FBN1: variants seen among roughly 807,000 people sequenced by gnomAD.
FBN1 encodes the protein fibrillin 1.
In FBN1, 29 loss-of-function variants were observed where a neutral mutation model predicts 365.1. The ratio of observed to expected loss-of-function variants is 0.08; its 90% CI spans 0.06 to 0.11. The LOEUF (loss-of-function observed/expected upper bound fraction) is 0.11. Ranked by LOEUF, FBN1 falls within the 10% of genes least tolerant of loss-of-function variation. FBN1 has a pLI of 1.00. For missense variants in FBN1, 2,476 were observed against 3,703.2 expected, an observed-to-expected ratio of 0.67 and a Z score of 8.60; for synonymous variants, 1,210 against 1,270.5, an observed-to-expected ratio of 0.95 and a Z score of 1.01.
intron 5 of FBN1, among the ~76,000 whole-genome samples, chr15:48,597,603 T>TC (rs2044525833): frequency 6.6e-6 from 1 of 152,206 alleles, no homozygotes; most frequent in Non-Finnish European, 1.5e-5. Flanking sequence ...ACGGGTCTTT[T>TC]CCCCAATAAA....
chr15:48,504,152 T>C (rs547444709), intron 16 of FBN1, among the ~76,000 whole-genome samples: 5 of 152,348 alleles, frequency 3.3e-5, no homozygotes, highest in Non-Finnish European at 7.3e-5. Context: ...AATGGCCAGA[T>C]TGCTTCAGTT....
At chr15:48,435,810 G>GTGTATA (rs1555395093) in intron 53 of FBN1, among the ~76,000 whole-genome samples, 1 of 134,226 alleles carries the variant, frequency 7.5e-6, no homozygotes, top group African/African-American at 3.0e-5. Flanking sequence ...GTGTGTGTGT[G>GTGTATA]TATATATGCC....
intron 30 of FBN1, among the ~76,000 whole-genome samples, chr15:48,484,330 C>T (rs188142673): frequency 2.5e-3 from 375 of 152,124 alleles, no homozygotes; most frequent in Non-Finnish European, 4.3e-3. Context: ...CTTGAAATAA[C>T]CATACCTACT....
intron 31 of FBN1, among the ~76,000 whole-genome samples, chr15:48,482,167 T>C (rs1355695145): frequency 6.6e-6 from 1 of 152,244 alleles, no homozygotes; most frequent in Non-Finnish European, 1.5e-5. Flanking sequence ...AAAGGATAGA[T>C]GAACTGGTTG....
intron 2 of FBN1, among the ~76,000 whole-genome samples, chr15:48,636,134 T>A (rs575657236): frequency 6.6e-6 from 1 of 152,324 alleles, no homozygotes; most frequent in Admixed American, 6.5e-5. Context: ...TCAATCTGGA[T>A]GAGGCCTATG....
intron 34 of FBN1, among the ~76,000 whole-genome samples, 192 bp downstream of exon 34, chr15:48,474,063 A>T (rs2043398958): frequency 6.6e-6 from 1 of 152,100 alleles, no homozygotes; most frequent in African/African-American, 2.4e-5. Flanking sequence ...GTATCTACCT[A>T]TCGAGAAGCT....
chr15:48,587,491 G>A (rs544232613), intron 6 of FBN1, among the ~76,000 whole-genome samples: 5 of 152,288 alleles, frequency 3.3e-5, no homozygotes, highest in East Asian at 1.9e-4. Context: ...GTGAGTTGAC[G>A]TTGTGCCTTT....
At chr15:48,625,477 A>G (rs908670868) in intron 2 of FBN1, among the ~76,000 whole-genome samples, 1 of 152,162 alleles carries the variant, frequency 6.6e-6, no homozygotes, top group African/African-American at 2.4e-5. Flanking sequence ...GGGCAGCCAG[A>G]GTCAGAGCCG....
At chr15:48,605,196 C>CA (rs568522134) in intron 4 of FBN1, among the ~76,000 whole-genome samples, 6 of 151,534 alleles carry the variant, frequency 4.0e-5, no homozygotes, top group East Asian at 2.0e-4. Context: ...ATAGCTAAAA[C>CA]AAAAAAAGGA....
At chr15:48,425,658 T>C (rs1256295185) in intron 59 of FBN1, 81 bp downstream of exon 59, 5 of 1,572,852 alleles carry the variant, frequency 3.2e-6, no homozygotes, top group East Asian at 2.2e-5. Flanking sequence ...ACAGACTTTT[T>C]AGATTTTTAG....
chr15:48,633,326 T>C (rs1312093295), intron 2 of FBN1, among the ~76,000 whole-genome samples: 3 of 152,216 alleles, frequency 2.0e-5, no homozygotes, highest in African/African-American at 7.2e-5. Flanking sequence ...AAACTCTTAA[T>C]GTATAGTTTG....
chr15:48,472,076 G>A (rs1034101282), intron 35 of FBN1, among the ~76,000 whole-genome samples: 1 of 152,202 alleles, frequency 6.6e-6, no homozygotes, highest in Non-Finnish European at 1.5e-5. Flanking sequence ...TCTACGTATG[G>A]ACAAGACTAT....
chr15:48,461,417 A>G (rs543049298), intron 42 of FBN1, among the ~76,000 whole-genome samples: 146 of 152,346 alleles, frequency 9.6e-4, no homozygotes, highest in African/African-American at 3.4e-3. Flanking sequence ...TTAGGATAAA[A>G]AAGAAAATGC....
In FBN1 at chr15:48,484,374, A is replaced by G. The variant is rs62011397; in HGVS notation, c.3713-431T>C. Among the ~76,000 whole-genome samples, 12 of 151,250 alleles carry G rather than the reference A, an allele frequency of 7.9e-5. No homozygotes were observed. In the East Asian group the frequency reaches 2.1e-3, roughly 27 times the overall value. On this transcript the variant is annotated intron_variant, in intron 30 of 65. Transcript: ENST00000316623. ...CTTAGTAATAATATTTACTTTCAACAATTTTTTTTTTTTTTTGAGACAGAG... is the reference window on the plus strand; with the variant it reads ...CTTAGTAATAATATTTACTTTCAACGATTTTTTTTTTTTTTTGAGACAGAG...
intron 38 of FBN1, among the ~76,000 whole-genome samples, chr15:48,467,341 T>C (rs1310389832): frequency 6.6e-6 from 1 of 152,132 alleles, no homozygotes; most frequent in Admixed American, 6.5e-5. Context: ...TCCATACCTA[T>C]CCCAACATAC....
At chr15:48,501,994 A>G (rs923277186) in intron 17 of FBN1, among the ~76,000 whole-genome samples, 1 of 152,110 alleles carries the variant, frequency 6.6e-6, no homozygotes, top group Non-Finnish European at 1.5e-5. Flanking sequence ...CATTAGCCAG[A>G]GCAGTTTTTT....
rs77761410 is a variant in FBN1 at position 48,436,834 on chromosome 15, G to A, written c.6496+127C>T. The A allele has an allele frequency of 8.8e-4, 663 of 749,808 alleles. 2 individuals carry two copies. In the East Asian group the frequency reaches 0.014, roughly 16 times the overall value. The allele number at this position is 749,808 out of a possible 1,614,324, so 46.4% of individuals were successfully genotyped here. A position where few individuals can be genotyped will look rare whatever the true frequency, so the allele number is the denominator to read the frequency against. Reference sequence around the variant, plus strand: ...CTCACTAGTATTCTAAATGAATGATGTATGAGTGGATGGATAAAACTTATT... The same window carrying A: ...CTCACTAGTATTCTAAATGAATGATATATGAGTGGATGGATAAAACTTATT... On this transcript the variant is annotated intron_variant, in intron 53 of 65. Coordinates refer to ENST00000316623, the MANE Select transcript of FBN1 (RefSeq NM_000138.5).
chr15:48,525,140 G>A (rs560926343), intron 9 of FBN1, among the ~76,000 whole-genome samples: 28 of 151,304 alleles, frequency 1.9e-4, no homozygotes, highest in African/African-American at 6.8e-4. Context: ...AGGCTGGAGT[G>A]CAGTGGCGTG....
In FBN1 at chr15:48,596,315, G is replaced by A; in HGVS notation, c.506C>T (p.Thr169Ile). 1.2e-6 allele frequency: 2 copies of A among 1,614,058 alleles called. No individual in the cohort carries two copies. Among genetic ancestry groups the A allele is most frequent in the Non-Finnish European group, 1.7e-6 (2 of 1,179,900 alleles). The change falls in exon 6 of 66, where the codon ACT (threonine) becomes ATT (isoleucine). Residue 169 changes from threonine to isoleucine, a missense_variant. Thr to Ile is a moderately conservative substitution (Grantham distance 89). Transcript: ENST00000316623. Reference protein sequence around the residue: ...RCVAPNRCACTYGFTGPQCER... With the variant: ...RCVAPNRCACIYGFTGPQCER... The stretch of plus-strand genomic sequence containing the variant: ...ACACTGGGGTCCAGTAAATCCGTAA[G>A]TGCATGCACATCGATTTGGGGCCAC...
Sources: gnomAD v4.1 joint callset for allele counts (sites outside exome capture counted in the v4.1 genomes callset) on GRCh38, gnomAD v4.1.1 for gene constraint, MANE v1.5 for transcripts, NCBI Gene and HGNC (gene_info 2026-07-23, HGNC 2026-07-21) for gene names.